GYPC: variants seen among roughly 807,000 people sequenced by gnomAD.
The protein encoded by GYPC is glycophorin-C.
In GYPC, 14 loss-of-function variants were observed where a neutral mutation model predicts 12.6. The ratio of observed to expected loss-of-function variants is 1.11; its 90% confidence interval spans 0.74 to 1.74. The LOEUF is 1.74. Ranked by LOEUF, GYPC falls within the 40% of genes most tolerant of loss-of-function variation. GYPC has a pLI of 0.00. For missense variants in GYPC, 225 were observed against 172.1 expected (o/e 1.31, Z -1.72); for synonymous variants, 78 against 62.1 (o/e 1.26, Z -1.20).
chr2:126,693,581 G>A (rs576159285), intron 2 of GYPC, among the ~76,000 whole-genome samples: 9 of 152,296 alleles, frequency 5.9e-5, no homozygotes, highest in Admixed American at 3.9e-4. Flanking sequence ...ACCACGTGCA[G>A]CACCACTCTC....
At chr2:126,672,442 AAC>A (rs1180454567) in intron 1 of GYPC, among the ~76,000 whole-genome samples, 2 of 152,052 alleles carry the variant, frequency 1.3e-5, no homozygotes, top group Admixed American at 1.3e-4. Flanking sequence ...TACACACACA[AAC>A]ACACAGAGGC....
intron 2 of GYPC, 135 bp downstream of exon 2, chr2:126,690,446 T>G: frequency 2.7e-6 from 2 of 746,602 alleles, no homozygotes; most frequent in Non-Finnish European, 4.8e-6. Context: ...ACCTAAGGAC[T>G]TGGACAGGGG....
At chr2:126,665,753 G>A (rs567849746) in intron 1 of GYPC, among the ~76,000 whole-genome samples, 1 of 152,374 alleles carries the variant, frequency 6.6e-6, no homozygotes, top group East Asian at 1.9e-4. Context: ...TCCGCACCTA[G>A]TGAGGACGTG....
intron 2 of GYPC, among the ~76,000 whole-genome samples, chr2:126,693,591 C>T (rs1300083563): frequency 1.3e-5 from 2 of 152,184 alleles, no homozygotes; most frequent in Non-Finnish European, 2.9e-5. Flanking sequence ...GCACCACTCT[C>T]AGTGCAGGCA....
chr2:126,668,297 G>C (rs1305161417), intron 1 of GYPC, among the ~76,000 whole-genome samples: 1 of 152,190 alleles, frequency 6.6e-6, no homozygotes, highest in East Asian at 1.9e-4. Context: ...TTTGAGTAAG[G>C]AATAAGGCCT....
In GYPC at chr2:126,672,423, A is replaced by T. The variant is rs567124913; in HGVS notation, c.49+16111A>T. Reference sequence around the variant, plus strand: ...CACCTGCACACACACAAACACACACATACACGCATACACACACAAACACAC... The same window carrying T: ...CACCTGCACACACACAAACACACACTTACACGCATACACACACAAACACAC... On this transcript the variant is annotated intron_variant, in intron 1 of 3. Transcript: ENST00000259254. 7.2e-5 allele frequency among the ~76,000 whole-genome samples: 11 copies of T among 152,284 alleles called. No homozygotes were observed. In the South Asian group the frequency reaches 2.3e-3, roughly 32 times the overall value.
chr2:126,678,512 T>A lies in GYPC; in HGVS notation c.50-11743T>A, dbSNP rs1213488299. On this transcript the variant is annotated intron_variant, in intron 1 of 3. Transcript: ENST00000259254. ...CCAGTGTGCCTCTGGCCGGCCTGAG[T>A]AGGGAGAATGCAGTGGCCTTTCCTG... 3 of 152,222 alleles carry A rather than the reference T, an allele frequency of 2.0e-5. No individual in the cohort carries two copies. The East Asian group carries it at 5.8e-4, about 30-fold the overall frequency. The allele number at this position is 152,222 out of a possible 1,614,324, so 9.4% of individuals were successfully genotyped here. A position where few individuals can be genotyped will look rare whatever the true frequency, so the allele number is the denominator to read the frequency against.
intron 1 of GYPC, among the ~76,000 whole-genome samples, chr2:126,689,966 T>C (rs571118859): frequency 3.3e-4 from 50 of 152,322 alleles, no homozygotes; most frequent in Admixed American, 1.3e-3. Flanking sequence ...ATCTACCACA[T>C]GCAGGCACCA....
chr2:126,675,362 T>A (rs1159751069), intron 1 of GYPC, among the ~76,000 whole-genome samples: 1 of 152,206 alleles, frequency 6.6e-6, no homozygotes, highest in Non-Finnish European at 1.5e-5. Context: ...AAACATAGAA[T>A]AATAAATAAT....
chr2:126,688,787 C>A (rs1267908012), intron 1 of GYPC, among the ~76,000 whole-genome samples: 2 of 152,106 alleles, frequency 1.3e-5, no homozygotes, highest in African/African-American at 4.8e-5. Context: ...CTCCAGCAGG[C>A]AGTTACTTAT....
chr2:126,686,098 G>A, intron 1 of GYPC: 1 of 985,316 alleles, frequency 1.0e-6, no homozygotes, highest in Non-Finnish European at 1.2e-6. Flanking sequence ...GTAAAGACCA[G>A]CCCACGCAGG....
intron 1 of GYPC, among the ~76,000 whole-genome samples, chr2:126,684,671 G>A (rs1347324992): frequency 6.6e-6 from 1 of 152,184 alleles, no homozygotes; most frequent in African/African-American, 2.4e-5. Flanking sequence ...CAGGGACTTG[G>A]CCTTAACGGT....
intron 2 of GYPC, among the ~76,000 whole-genome samples, chr2:126,690,864 G>A (rs879899592): frequency 9.0e-4 from 137 of 152,122 alleles, no homozygotes; most frequent in Non-Finnish European, 1.6e-3. Context: ...AACCAAGTTT[G>A]GGAGGTGCTG....
At chr2:126,691,406 A>C (rs983709949) in intron 2 of GYPC, among the ~76,000 whole-genome samples, 11 of 151,950 alleles carry the variant, frequency 7.2e-5, no homozygotes, top group South Asian at 2.1e-4. Flanking sequence ...CGCACAGCCA[A>C]CACCTTGGCA....
intron 2 of GYPC, 46 bp downstream of exon 2, chr2:126,690,357 C>A: frequency 7.3e-7 from 1 of 1,363,694 alleles, no homozygotes; most frequent in Non-Finnish European, 1.1e-6. Flanking sequence ...ACTGCCGTGA[C>A]TTCAGATGAG....
In GYPC at chr2:126,693,930, A is replaced by G; in HGVS notation, c.173A>G (p.Asp58Gly). The G allele has an allele frequency of 6.2e-7, 1 of 1,610,270 alleles. No individual in the cohort carries two copies. ...GAGACCTCCACCCCCACCATAATGG[A>G]CATTGTCGTCATTGCAGGTGAGCTC... The part of the protein sequence containing the change: ...RMETSTPTIM[D>G]IVVIAGVIAA... Residue 58 changes from aspartate to glycine, a missense_variant, in exon 3 of 4, where the codon GAC (aspartate) becomes GGC (glycine). Coordinates refer to ENST00000259254, the MANE Select transcript of GYPC (RefSeq NM_002101.5).
intron 1 of GYPC, among the ~76,000 whole-genome samples, chr2:126,662,648 T>C (rs986991937): frequency 6.6e-6 from 1 of 152,218 alleles, no homozygotes; most frequent in African/African-American, 2.4e-5. Flanking sequence ...CTCTTTTGAA[T>C]AAGAGGCCTC....
chr2:126,690,797 C>A (rs1197928988), intron 2 of GYPC, among the ~76,000 whole-genome samples: 2 of 152,148 alleles, frequency 1.3e-5, no homozygotes, highest in Non-Finnish European at 2.9e-5. Flanking sequence ...GCTTTGAACC[C>A]TGAGCAACGG....
Position 126,656,197 on chromosome 2 carries a change from C to G in GYPC, c.-67C>G. 3.2e-6 allele frequency: 5 copies of G among 1,543,656 alleles called. No individual in the cohort carries two copies. Among genetic ancestry groups the G allele is most frequent in the Non-Finnish European group, 4.4e-6 (5 of 1,144,668 alleles). On this transcript the variant is annotated 5_prime_UTR_variant, in exon 1 of 4. Transcript: ENST00000259254. Reference sequence around the variant, plus strand: ...GGGTCAGGAGCCCGGGAGCGCGACCCTCCCCCGGCCCGGCCTGGCCCGGCC... The same window carrying G: ...GGGTCAGGAGCCCGGGAGCGCGACCGTCCCCCGGCCCGGCCTGGCCCGGCC...
Sources: allele counts gnomAD v4.1 joint callset (sites outside exome capture counted in the v4.1 genomes callset), GRCh38; gene constraint gnomAD v4.1.1; transcripts MANE v1.5; gene names NCBI Gene and HGNC (gene_info 2026-07-23, HGNC 2026-07-21).